The following MYT1L variants were observed in gnomAD, a reference collection of about 807,000 sequenced individuals.
MYT1L encodes myelin transcription factor 1-like protein.
MYT1L carries 12 observed loss-of-function variants against 126.7 expected under a neutral mutation model. That is an observed-to-expected ratio of 0.09 (90% CI 0.06 to 0.15). The LOEUF is 0.15. Among genes scored for constraint, MYT1L ranks in the 10% least tolerant of loss-of-function variants. The probability of loss-of-function intolerance (pLI) is 1.00; values close to 1 mark genes in which losing one functional copy is unlikely to be tolerated. For missense variants in MYT1L, 979 were observed against 1,585.2 expected (o/e 0.62, Z 6.49); for synonymous variants, 541 against 604.2 (o/e 0.90, Z 1.53).
intron 9 of MYT1L, among the ~76,000 whole-genome samples, chr2:1,936,763 G>T (rs1207900720): frequency 2.6e-5 from 4 of 152,130 alleles, no homozygotes; most frequent in African/African-American, 7.2e-5. Context: ...ATGGAGAATG[G>T]TGTCCTGCAG....
chr2:1,821,593 G>C (rs1480141239), intron 21 of MYT1L, among the ~76,000 whole-genome samples: 1 of 152,176 alleles, frequency 6.6e-6, no homozygotes, highest in Non-Finnish European at 1.5e-5. Context: ...TGGTAAGGCT[G>C]GTTTGTTTGC....
At chr2:2,310,042 G>A (rs1253536837) in intron 1 of MYT1L, among the ~76,000 whole-genome samples, 1 of 151,498 alleles carries the variant, frequency 6.6e-6, no homozygotes, top group Non-Finnish European at 1.5e-5. Flanking sequence ...TGGCATGTTA[G>A]TACACTGTAT....
At chr2:1,815,218 G>C (rs1053769429) in intron 21 of MYT1L, among the ~76,000 whole-genome samples, 7 of 152,320 alleles carry the variant, frequency 4.6e-5, no homozygotes, top group African/African-American at 1.4e-4. Flanking sequence ...ACATGGTTGA[G>C]AGCCCGAGGT....
At chr2:2,215,371 T>A (rs139888716) in intron 2 of MYT1L, among the ~76,000 whole-genome samples, 1 of 152,302 alleles carries the variant, frequency 6.6e-6, no homozygotes, top group Admixed American at 6.5e-5. Context: ...ATGCTTGCAC[T>A]AGTCAAAAGA....
At chr2:2,246,435 A>T (rs939741888) in intron 2 of MYT1L, among the ~76,000 whole-genome samples, 1 of 152,144 alleles carries the variant, frequency 6.6e-6, no homozygotes, top group Admixed American at 6.5e-5. Flanking sequence ...GTGTGCCGCA[A>T]TGGAACACCA....
At chr2:1,987,674 G>A (rs2149539299) in intron 5 of MYT1L, among the ~76,000 whole-genome samples, 1 of 152,174 alleles carries the variant, frequency 6.6e-6, no homozygotes, top group East Asian at 1.9e-4. Flanking sequence ...GTGCTCCCTG[G>A]GTCCCCTGCT....
intron 18 of MYT1L, among the ~76,000 whole-genome samples, chr2:1,877,774 T>C (rs1352153038): frequency 6.7e-6 from 1 of 149,924 alleles, no homozygotes; most frequent in East Asian, 2.0e-4. Flanking sequence ...CTAAAATAGG[T>C]CACCTGTTTG....
intron 11 of MYT1L, among the ~76,000 whole-genome samples, chr2:1,916,821 T>G (rs2052909382): frequency 1.3e-5 from 2 of 152,222 alleles, no homozygotes; most frequent in South Asian, 4.2e-4. Flanking sequence ...TCAAGGCCTC[T>G]CTCCTCTGGG....
chr2:2,300,729 C>T (rs1055996325), intron 1 of MYT1L, among the ~76,000 whole-genome samples: 4 of 152,166 alleles, frequency 2.6e-5, no homozygotes, highest in Admixed American at 1.3e-4. Context: ...CAAATCCACG[C>T]GATGATTCTT....
rs1572721998 is a variant in MYT1L at position 1,839,046 on chromosome 2, A to G, written c.3080+103T>C. 4 of 994,738 alleles carry G rather than the reference A, an allele frequency of 4.0e-6. No individual in the cohort carries two copies. In the East Asian group the frequency reaches 1.1e-4, roughly 26 times the overall value. 61.6% of individuals were successfully genotyped at this position (994,738 alleles called of 1,614,324 possible). On this transcript the variant is annotated intron_variant, in intron 21 of 24. Coordinates refer to ENST00000647738, the MANE Select transcript of MYT1L (RefSeq NM_001303052.2). ...TTTTCAGCCTTTTCTTTCTAAACAC[A>G]GGTGACGGGAGAAGCTGGCACCTGC...
At chr2:2,186,365 C>T (rs1448620176) in intron 2 of MYT1L, among the ~76,000 whole-genome samples, 2 of 152,376 alleles carry the variant, frequency 1.3e-5, no homozygotes, top group Admixed American at 6.5e-5. Flanking sequence ...CCGAGTCCTG[C>T]GGTCCTTACT....
chr2:2,240,224 C>T (rs987469281), intron 2 of MYT1L, among the ~76,000 whole-genome samples: 5 of 152,016 alleles, frequency 3.3e-5, no homozygotes, highest in South Asian at 4.2e-4. Context: ...AACCAGGAGG[C>T]GGAGGTTGCA....
chr2:2,031,891 G>T, intron 4 of MYT1L, among the ~76,000 whole-genome samples: 1 of 140,948 alleles, frequency 7.1e-6, no homozygotes, highest in South Asian at 2.3e-4. Context: ...TAGAAGGAGG[G>T]CCTTATACAC....
At chr2:2,127,665 G>A (rs2081890236) in intron 3 of MYT1L, among the ~76,000 whole-genome samples, 2 of 152,144 alleles carry the variant, frequency 1.3e-5, no homozygotes, top group Non-Finnish European at 2.9e-5. Context: ...GCATGTGCAC[G>A]TCTGTGTCTG....
chr2:2,156,375 C>G (rs2086731916), intron 3 of MYT1L, among the ~76,000 whole-genome samples: 1 of 152,182 alleles, frequency 6.6e-6, no homozygotes, highest in South Asian at 2.1e-4. Context: ...CAGGTTGCAG[C>G]CCCCAACAGG....
At chr2:2,235,954 A>G (rs549959707) in intron 2 of MYT1L, among the ~76,000 whole-genome samples, 29 of 152,214 alleles carry the variant, frequency 1.9e-4, no homozygotes, top group Non-Finnish European at 3.7e-4. Context: ...TTTGCATTGC[A>G]TCTGAATTTT....
At chr2:1,952,856 A>C (rs113172920) in intron 8 of MYT1L, among the ~76,000 whole-genome samples, 458 of 26,678 alleles carry the variant, frequency 0.017, 1 homozygote, top group African/African-American at 0.033. Flanking sequence ...GCCTTCCCTT[A>C]CCTCCTTCTT....
At chr2:2,029,706 C>T (rs1248024780) in intron 4 of MYT1L, among the ~76,000 whole-genome samples, 1 of 152,140 alleles carries the variant, frequency 6.6e-6, no homozygotes, top group Non-Finnish European at 1.5e-5. Flanking sequence ...TATGTACATA[C>T]AATAATCCAG....
chr2:2,259,615 A>T (rs551158079), intron 2 of MYT1L, among the ~76,000 whole-genome samples: 1 of 152,264 alleles, frequency 6.6e-6, no homozygotes, highest in East Asian at 1.9e-4. Context: ...AAATCTCCAA[A>T]TCTTTAGGAT....
Sources: allele counts gnomAD v4.1 joint callset (sites outside exome capture counted in the v4.1 genomes callset), GRCh38; gene constraint gnomAD v4.1.1; transcripts MANE v1.5; gene names NCBI Gene and HGNC (gene_info 2026-07-23, HGNC 2026-07-21).